The following RYR2 variants were observed in gnomAD, a reference collection of about 807,000 sequenced individuals.
The protein encoded by RYR2 is ryanodine receptor 2, also known as cardiac muscle ryanodine receptor-calcium release channel.
A neutral mutation model predicts 601.1 loss-of-function variants in RYR2; 227 were observed. The ratio of observed to expected loss-of-function variants is 0.38; its 90% CI spans 0.34 to 0.42. RYR2 has a LOEUF of 0.42. Ranked by LOEUF, RYR2 falls within the 10% of genes least tolerant of loss-of-function variation. The pLI, the probability that RYR2 is intolerant of heterozygous loss-of-function variation, is 1.00. For missense variants in RYR2, 4,646 were observed against 6,156.5 expected (o/e 0.75, Z 8.21); for synonymous variants, 2,223 against 2,175.1 (o/e 1.02, Z -0.61).
chr1:237,432,722 T>A (rs1458167235), intron 12 of RYR2, among the ~76,000 whole-genome samples: 1 of 152,130 alleles, frequency 6.6e-6, no homozygotes, highest in African/African-American at 2.4e-5. Flanking sequence ...TGATTCAAAT[T>A]CCTATTTCGT....
At position 237,591,848 on chromosome 1, in the gene RYR2, T is replaced by C; in HGVS notation, c.4270T>C (p.Ser1424Pro). ...TGACTATGATTTCTTGATGCAAACG[T>C]CCACGGTATGAGGTTGCAGCTTTTG... ...RDDYDFLMQT[S>P]TYYYSVRIFP... The change falls in exon 32 of 105, where the codon TCC becomes CCC. Residue 1424 changes from serine to proline, a missense_variant. Ser to Pro is a moderately conservative substitution (Grantham distance 74). Around this residue, in one of 17 missense-constraint regions of RYR2, gnomAD observed 1,807 missense variants for 2,088.1 expected, o/e 0.87. Coordinates refer to ENST00000366574, the MANE Select transcript of RYR2 (RefSeq NM_001035.3). The C allele has an allele frequency of 1.2e-6, 2 of 1,611,418 alleles. No homozygotes were observed. Among genetic ancestry groups the C allele is most frequent in the East Asian group, 2.2e-5 (1 of 44,772 alleles).
At chr1:237,428,296 A>T (rs1051320296) in intron 12 of RYR2, among the ~76,000 whole-genome samples, 1 of 152,160 alleles carries the variant, frequency 6.6e-6, no homozygotes, top group Non-Finnish European at 1.5e-5. Flanking sequence ...AAAGATATAC[A>T]TATACCTGTT....
rs1488723469 is a variant in RYR2, at chr1:237,792,000, T to C, written c.13564-105T>C. ...ATTAGTCCTTTCATTATGCAGTGAC[T>C]TCACATCCAACTATTTGCTGAAAAG... is the stretch of plus-strand genomic sequence containing the variant. On this transcript the variant is annotated intron_variant, in intron 93 of 104. Transcript: ENST00000366574. 14 of 811,156 alleles carry C rather than the reference T, an allele frequency of 1.7e-5. No individual in the cohort carries two copies. In the Admixed American group the frequency reaches 2.9e-4, roughly 17 times the overall value. The allele number at this position is 811,156 out of a possible 1,614,324, so 50.2% of individuals were successfully genotyped here.
chr1:237,115,326 G>C (rs1040368010), intron 1 of RYR2, among the ~76,000 whole-genome samples: 2 of 152,090 alleles, frequency 1.3e-5, no homozygotes, highest in Admixed American at 6.6e-5. Context: ...CAAGAAGCAC[G>C]GTCTTTGATA....
intron 3 of RYR2, among the ~76,000 whole-genome samples, chr1:237,355,307 A>G (rs919443952): frequency 6.6e-6 from 1 of 152,134 alleles, no homozygotes; most frequent in Non-Finnish European, 1.5e-5. Context: ...TTGTAGAGAC[A>G]GTCTTTGTTG....
rs144029411 is a variant in RYR2, at chr1:237,581,505, C to G, written c.3599-8288C>G. Among the ~76,000 whole-genome samples the G allele has an allele frequency of 3.3e-3, 498 of 152,082 alleles. 2 individuals carry two copies. Among genetic ancestry groups the G allele is most frequent in the African/African-American group, 0.011 (471 of 41,492 alleles). ...AAAAAAGAGAGGCAGGGAAAACTTT[C>G]CATTATTGATTTTATCATGCTGCTG... is the stretch of plus-strand genomic sequence containing the variant. On this transcript the variant is annotated intron_variant, in intron 29 of 104. Transcript: ENST00000366574.
intron 24 of RYR2, among the ~76,000 whole-genome samples, chr1:237,525,637 G>A (rs963460179): frequency 1.3e-5 from 2 of 152,010 alleles, no homozygotes; most frequent in Admixed American, 1.3e-4. Context: ...TTTTAGTAGA[G>A]ACGGGGTTTC....
chr1:237,628,385 A>G (rs1160211123), intron 41 of RYR2, among the ~76,000 whole-genome samples: 1 of 127,768 alleles, frequency 7.8e-6, no homozygotes, highest in African/African-American at 3.5e-5. Flanking sequence ...CCCACCCCAC[A>G]ACAGTCCCCA....
intron 19 of RYR2, among the ~76,000 whole-genome samples, chr1:237,493,597 T>A (rs910635796): frequency 6.6e-6 from 1 of 151,860 alleles, no homozygotes; most frequent in Non-Finnish European, 1.5e-5. Flanking sequence ...GGACTACAGG[T>A]GCCCGCCACC....
chr1:237,592,325 T>C (rs1480899821), intron 32 of RYR2, among the ~76,000 whole-genome samples: 1 of 152,156 alleles, frequency 6.6e-6, no homozygotes, highest in Non-Finnish European at 1.5e-5. Context: ...TGTTCACATG[T>C]TCTGAACTAT....
At chr1:237,312,468 G>C (rs1486995064) in intron 2 of RYR2, among the ~76,000 whole-genome samples, 1 of 152,166 alleles carries the variant, frequency 6.6e-6, no homozygotes, top group African/African-American at 2.4e-5. Flanking sequence ...TAATAATCTG[G>C]AGCTTTTTAT....
intron 101 of RYR2, among the ~76,000 whole-genome samples, chr1:237,823,820 G>C (rs1471391095): frequency 2.6e-5 from 4 of 152,042 alleles, no homozygotes; most frequent in Non-Finnish European, 5.9e-5. Flanking sequence ...GAATCAAATA[G>C]ATGCAATAAA....
At chr1:237,376,995 T>C (rs1324274156) in intron 7 of RYR2, among the ~76,000 whole-genome samples, 1 of 152,148 alleles carries the variant, frequency 6.6e-6, no homozygotes, top group Non-Finnish European at 1.5e-5. Flanking sequence ...TTGGACAGTA[T>C]AATGACATGT....
chr1:237,229,844 T>G (rs1684786261), intron 1 of RYR2, among the ~76,000 whole-genome samples: 1 of 152,162 alleles, frequency 6.6e-6, no homozygotes, highest in Non-Finnish European at 1.5e-5. Context: ...GTTCTAAACA[T>G]AAGATCTCCC....
At chr1:237,576,902 A>C (rs184487505) in intron 29 of RYR2, among the ~76,000 whole-genome samples, 33 of 152,330 alleles carry the variant, frequency 2.2e-4, no homozygotes, top group African/African-American at 7.0e-4. Flanking sequence ...GCAAATTCAT[A>C]ATTAAATGCT....
At chr1:237,436,684 C>T (rs1393148792) in intron 12 of RYR2, among the ~76,000 whole-genome samples, 1 of 150,970 alleles carries the variant, frequency 6.6e-6, no homozygotes, top group Non-Finnish European at 1.5e-5. Context: ...CTTAAAGAGA[C>T]CTGGCTATTA....
chr1:237,671,520 CGT>C (rs368296995), intron 58 of RYR2, among the ~76,000 whole-genome samples: 1,771 of 140,244 alleles, frequency 0.013, 17 homozygotes, highest in Middle Eastern at 0.022. Flanking sequence ...TGTGTGTGTG[CGT>C]GTGTGTGTGT....
intron 1 of RYR2, among the ~76,000 whole-genome samples, chr1:237,245,143 GGAGTTT>G (rs936438923): frequency 6.6e-6 from 1 of 151,984 alleles, no homozygotes; most frequent in African/African-American, 2.4e-5. Context: ...CTTGAGCCCA[GGAGTTT>G]GAGACTGCAG....
chr1:237,449,054 T>C (rs1657740255), intron 14 of RYR2, among the ~76,000 whole-genome samples: 1 of 151,900 alleles, frequency 6.6e-6, no homozygotes, highest in African/African-American at 2.4e-5. Flanking sequence ...AAAGAGGAGA[T>C]ACACACACAC....
Sources: gnomAD v4.1 joint callset for allele counts (sites outside exome capture counted in the v4.1 genomes callset) on GRCh38, gnomAD v4.1.1 for gene constraint, gnomAD v4.1.1 regional missense constraint, MANE v1.5 for transcripts, NCBI Gene and HGNC (gene_info 2026-07-23, HGNC 2026-07-21) for gene names.